PIBF1: variants seen among roughly 807,000 people sequenced by gnomAD.
PIBF1 encodes the protein progesterone immunomodulatory binding factor 1.
In PIBF1, 90 loss-of-function variants were observed where a neutral mutation model predicts 112.5. That is an observed-to-expected ratio of 0.80 (90% confidence interval 0.67 to 0.95). The LOEUF is 0.95. Among genes scored for constraint, PIBF1 ranks in the 40% least tolerant of loss-of-function variants. The pLI, the probability that PIBF1 is intolerant of heterozygous loss-of-function variation, is 0.00. For missense variants in PIBF1, 915 were observed against 852.3 expected, an observed-to-expected ratio of 1.07 and a Z score of -0.92; for synonymous variants, 301 against 288.6, an observed-to-expected ratio of 1.04 and a Z score of -0.44.
At position 72,827,043 on chromosome 13, in the gene PIBF1, G is replaced by A. The variant is rs765642574; in HGVS notation, c.840G>A (p.Glu280=). The change falls in exon 7 of 18, where the codon GAG becomes GAA. Residue 280 remains glutamate (E), a synonymous_variant. Transcript: ENST00000326291. ...ERDALEQEVI[E]LRRKHEILEA... ...ATGCACTTGAACAGGAAGTAATTGA[G>A]CTTAGGAGAAAACATGAAATACTTG... 1.3e-5 allele frequency: 21 copies of A among 1,601,994 alleles called. No homozygotes were observed. The highest frequency in any genetic ancestry group is 1.8e-5 in the Non-Finnish European group (21 of 1,175,040).
intron 16 of PIBF1, among the ~76,000 whole-genome samples, chr13:72,977,701 A>G (rs1365395089): frequency 6.6e-6 from 1 of 152,204 alleles, no homozygotes; most frequent in African/African-American, 2.4e-5. Context: ...TATTTTCTAT[A>G]TTAGTGTTAG....
At chr13:72,982,346 G>A (rs969755991) in intron 16 of PIBF1, among the ~76,000 whole-genome samples, 17 of 152,220 alleles carry the variant, frequency 1.1e-4, no homozygotes, top group African/African-American at 4.1e-4. Context: ...TGAGGTGAGA[G>A]GATTGCTTGG....
At chr13:72,856,569 C>A (rs2038432364) in intron 10 of PIBF1, among the ~76,000 whole-genome samples, 1 of 151,988 alleles carries the variant, frequency 6.6e-6, no homozygotes, top group Non-Finnish European at 1.5e-5. Flanking sequence ...CATTACAGAA[C>A]CAGAGACTTA....
chr13:72,945,010 A>C (rs1422040288), intron 14 of PIBF1, among the ~76,000 whole-genome samples: 1 of 152,140 alleles, frequency 6.6e-6, no homozygotes, highest in Admixed American at 6.6e-5. Context: ...GGTAGTGAGC[A>C]TCATACCCAA....
chr13:72,927,701 T>C (rs899718199), intron 13 of PIBF1, among the ~76,000 whole-genome samples: 2 of 151,804 alleles, frequency 1.3e-5, no homozygotes, highest in South Asian at 2.1e-4. Flanking sequence ...AAAACAGTTA[T>C]ATTTCTTGTT....
intron 9 of PIBF1, among the ~76,000 whole-genome samples, chr13:72,844,750 C>CGGATGA (rs2037765490): frequency 1.1e-5 from 1 of 87,508 alleles, no homozygotes; most frequent in Admixed American, 1.1e-4. Context: ...CACACACACA[C>CGGATGA]ACACACACAC....
chr13:72,828,694 TG>T (rs1199872111), intron 8 of PIBF1, among the ~76,000 whole-genome samples: 3 of 152,224 alleles, frequency 2.0e-5, no homozygotes, highest in African/African-American at 7.2e-5. Flanking sequence ...GAAGGACATT[TG>T]GGTCGGTTCC....
At chr13:72,844,766 C>CGGATGAAGTCTTACTGTTT (rs1371748602) in intron 9 of PIBF1, among the ~76,000 whole-genome samples, 82 of 104,552 alleles carry the variant, frequency 7.8e-4, no homozygotes, top group African/African-American at 1.6e-3. Flanking sequence ...CACACACACA[C>CGGATGAAGTCTTACTGTTT]ACACACACAC....
intron 17 of PIBF1, among the ~76,000 whole-genome samples, chr13:73,009,892 G>A (rs1344670370): frequency 6.6e-6 from 1 of 152,182 alleles, no homozygotes; most frequent in South Asian, 2.1e-4. Context: ...GAGTCAGAAA[G>A]AACTGTCTGC....
At chr13:72,794,862 T>C (rs1210187923) in intron 3 of PIBF1, among the ~76,000 whole-genome samples, 1 of 152,186 alleles carries the variant, frequency 6.6e-6, no homozygotes, top group African/African-American at 2.4e-5. Context: ...AATCTTTCAG[T>C]AGGCAACTAA....
chr13:72,958,096 G>A (rs1333839101), intron 14 of PIBF1, among the ~76,000 whole-genome samples: 2 of 151,784 alleles, frequency 1.3e-5, no homozygotes, highest in African/African-American at 4.8e-5. Flanking sequence ...CTTCAGCCTG[G>A]GCAACAGAGT....
chr13:72,873,270 A>C (rs998511314), intron 10 of PIBF1, among the ~76,000 whole-genome samples: 1 of 152,214 alleles, frequency 6.6e-6, no homozygotes, highest in Admixed American at 6.5e-5. Context: ...ATACATACAA[A>C]AATTAATTTG....
intron 10 of PIBF1, among the ~76,000 whole-genome samples, chr13:72,860,849 C>G (rs2038663278): frequency 6.6e-6 from 1 of 152,088 alleles, no homozygotes; most frequent in South Asian, 2.1e-4. Context: ...CATGTATGTC[C>G]CAATTCAAGC....
At chr13:72,897,242 A>C (rs924352199) in intron 11 of PIBF1, among the ~76,000 whole-genome samples, 1 of 152,228 alleles carries the variant, frequency 6.6e-6, no homozygotes, top group Non-Finnish European at 1.5e-5. Context: ...TTTTCAGATA[A>C]ATACATGCTG....
intron 17 of PIBF1, among the ~76,000 whole-genome samples, chr13:73,008,055 A>T (rs1402130320): frequency 6.6e-6 from 1 of 152,184 alleles, no homozygotes; most frequent in African/African-American, 2.4e-5. Context: ...ATCTACTTGG[A>T]ATCTGTTCAA....
intron 17 of PIBF1, among the ~76,000 whole-genome samples, chr13:73,000,053 A>T (rs1346199870): frequency 6.6e-6 from 1 of 152,238 alleles, no homozygotes; most frequent in Non-Finnish European, 1.5e-5. Flanking sequence ...AAATAAAATA[A>T]AATAAAATAA....
chr13:72,905,946 G>T (rs1158241993), intron 11 of PIBF1, among the ~76,000 whole-genome samples: 1 of 152,154 alleles, frequency 6.6e-6, no homozygotes, highest in Non-Finnish European at 1.5e-5. Flanking sequence ...AGAAAGCAGA[G>T]AGATTATTCA....
In PIBF1 at chr13:72,877,897, G is replaced by T. The variant is rs545427713; in HGVS notation, c.1323-15887G>T. ...CCCGAGTAGCTGGGATTACAGGCAT[G>T]CACCACCACGCCTGGTTAATTTTGT... On this transcript the variant is annotated intron_variant, in intron 10 of 17. Transcript: ENST00000326291. 6.6e-5 allele frequency among the ~76,000 whole-genome samples: 10 copies of T among 151,758 alleles called. No individual in the cohort carries two copies. The South Asian group carries it at 1.5e-3, about 22-fold the overall frequency.
chr13:72,822,110 A>G (rs1166298951), intron 6 of PIBF1, 128 bp downstream of exon 6: 3 of 737,356 alleles, frequency 4.1e-6, no homozygotes, highest in Non-Finnish European at 6.2e-6. Context: ...AAATGCATGC[A>G]GTTTTGGCAG....
Sources: gnomAD v4.1 joint callset for allele counts (sites outside exome capture counted in the v4.1 genomes callset) on GRCh38, gnomAD v4.1.1 for gene constraint, MANE v1.5 for transcripts, NCBI Gene and HGNC (gene_info 2026-07-23, HGNC 2026-07-21) for gene names.